The following SHANK2 variants were observed in gnomAD, a reference collection of about 807,000 sequenced individuals.
SHANK2 encodes the protein SH3 and multiple ankyrin repeat domains protein 2.
In SHANK2, 43 loss-of-function variants were observed where a neutral mutation model predicts 133.7. The ratio of observed to expected loss-of-function variants is 0.32; its 90% confidence interval spans 0.25 to 0.41. The LOEUF (loss-of-function observed/expected upper bound fraction) is 0.41. Ranked by LOEUF, SHANK2 falls within the 10% of genes least tolerant of loss-of-function variation. The probability of loss-of-function intolerance (pLI) is 1.00; values close to 1 mark genes in which losing one functional copy is unlikely to be tolerated. For missense variants in SHANK2, 1,994 were observed against 2,235.8 expected (o/e 0.89, Z 2.18); for synonymous variants, 1,017 against 952.8 (o/e 1.07, Z -1.24).
chr11:70,500,671 A>C lies in SHANK2; in HGVS notation c.2288-81T>G, dbSNP rs1037874359. 52 of 1,549,678 alleles carry C rather than the reference A, an allele frequency of 3.4e-5. No individual in the cohort carries two copies. The highest frequency in any genetic ancestry group is 4.3e-5 in the Non-Finnish European group (49 of 1,143,152). On this transcript the variant is annotated intron_variant, in intron 20 of 25. Transcript: ENST00000601538. The surrounding 1 kb of genome is among the most constrained non-coding windows in gnomAD (Gnocchi z 4.5). The stretch of plus-strand genomic sequence containing the variant: ...GCCTACACTCGGGCCTTGTCAGCTC[A>C]GGGCGCCTCAGGAGCAGGCTGGGCC...
rs564298746 is a variant in SHANK2 at position 70,899,619 on chromosome 11, A to G, written c.1108-3052T>C. ...GGTGCCGTCCTCCCAAAAGGGGGCC[A>G]TCTCTTCCTATAGCCCACCTCCAAC... On this transcript the variant is annotated intron_variant, in intron 10 of 25. Coordinates refer to ENST00000601538, the MANE Select transcript of SHANK2 (RefSeq NM_012309.5). Among the ~76,000 whole-genome samples the G allele has an allele frequency of 2.6e-5, 4 of 152,312 alleles. No homozygotes were observed. In the East Asian group the frequency reaches 5.8e-4, roughly 22 times the overall value.
At chr11:70,741,172 C>T (rs1946515548) in intron 14 of SHANK2, among the ~76,000 whole-genome samples, 1 of 133,088 alleles carries the variant, frequency 7.5e-6, no homozygotes, top group Non-Finnish European at 1.7e-5. Context: ...CCTACCCATC[C>T]ATCCATCCAT....
chr11:71,061,965 T>G (rs1950992258), intron 9 of SHANK2, among the ~76,000 whole-genome samples: 1 of 141,460 alleles, frequency 7.1e-6, no homozygotes, highest in African/African-American at 2.6e-5. Flanking sequence ...CAAAAAGTCT[T>G]TCTTTCTTTT....
intron 12 of SHANK2, among the ~76,000 whole-genome samples, chr11:70,820,041 G>T (rs1218493840): frequency 1.3e-5 from 2 of 152,128 alleles, no homozygotes; most frequent in Admixed American, 6.5e-5. Context: ...TTAGGACCAA[G>T]AAGTCAGTAC....
At chr11:70,598,219 G>C (rs564480013) in intron 17 of SHANK2, among the ~76,000 whole-genome samples, 13 of 152,222 alleles carry the variant, frequency 8.5e-5, no homozygotes, top group African/African-American at 3.1e-4. Flanking sequence ...GAGGTCATTT[G>C]TCGAATGACC....
chr11:71,242,719 G>C (rs912747288), intron 1 of SHANK2, among the ~76,000 whole-genome samples: 30 of 152,200 alleles, frequency 2.0e-4, no homozygotes, highest in African/African-American at 6.8e-4. Context: ...TTGTATCCCA[G>C]AGTCTAGAGC....
intron 17 of SHANK2, among the ~76,000 whole-genome samples, chr11:70,616,826 C>T (rs1212129687): frequency 6.6e-6 from 1 of 152,154 alleles, no homozygotes; most frequent in Non-Finnish European, 1.5e-5. Context: ...GCGAGGGGAG[C>T]CTGCGGGGCG....
rs1418153291 is a variant in SHANK2, at chr11:70,487,357, T to C, written c.2936A>G (p.Asn979Ser). The C allele has an allele frequency of 6.2e-7, 1 of 1,614,038 alleles. No homozygotes were observed. Among genetic ancestry groups the C allele is most frequent in the Non-Finnish European group, 8.5e-7 (1 of 1,180,036 alleles). Reference protein sequence around the residue: ...RNAGPQANFRNKRGQMPENPY... With the variant: ...RNAGPQANFRSKRGQMPENPY... ...GTTTTCTGGCATCTGGCCTCTCTTG[T>C]TGCGGAAGTTGGCTTGCGGGCCGGC... Residue 979 changes from asparagine (N) to serine (S), a missense_variant, in exon 25 of 26, where the codon AAC becomes AGC. This residue lies in a region of SHANK2 where 488 missense variants were observed against 642.6 expected (regional missense o/e 0.76). Coordinates refer to ENST00000601538, the MANE Select transcript of SHANK2 (RefSeq NM_012309.5). The surrounding 1 kb of genome is among the most constrained non-coding windows in gnomAD (Gnocchi z 5.8).
intron 17 of SHANK2, among the ~76,000 whole-genome samples, chr11:70,532,562 G>C (rs568170538): frequency 9.2e-5 from 14 of 151,966 alleles, no homozygotes; most frequent in Non-Finnish European, 1.8e-4. Context: ...AACCCAGAAA[G>C]AGGCCCAGAG....
At chr11:70,629,457 C>T (rs11604023) in intron 17 of SHANK2, among the ~76,000 whole-genome samples, 2,248 of 152,274 alleles carry the variant, frequency 0.015, 26 homozygotes, top group Middle Eastern at 0.024. Context: ...GTGGGACACA[C>T]GGACGTCCAG....
chr11:71,086,255 A>G lies in SHANK2; in HGVS notation c.912+6167T>C, dbSNP rs1951412104. 9.3e-5 allele frequency among the ~76,000 whole-genome samples: 5 copies of G among 53,898 alleles called. 1 individual carries two copies. Among genetic ancestry groups the G allele is most frequent in the Admixed American group, 3.5e-4 (1 of 2,844 alleles). The allele number at this position is 53,898 out of a possible 152,430, so 35.4% of individuals were successfully genotyped here. A position where few individuals can be genotyped will look rare whatever the true frequency, so the allele number is the denominator to read the frequency against. ...AATTATATAATATATTATGTTATAT[A>G]TGTTATATATTATATATGTTATATT... On this transcript the variant is annotated intron_variant, in intron 8 of 25. Coordinates refer to ENST00000601538, the MANE Select transcript of SHANK2 (RefSeq NM_012309.5).
chr11:70,564,189 G>A (rs1317344447), intron 17 of SHANK2, among the ~76,000 whole-genome samples: 1 of 151,904 alleles, frequency 6.6e-6, no homozygotes, highest in East Asian at 1.9e-4. Context: ...GCTTGGGTGT[G>A]TGAGTTCATT....
intron 10 of SHANK2, among the ~76,000 whole-genome samples, chr11:70,921,517 G>A (rs536195743): frequency 6.6e-6 from 1 of 152,344 alleles, no homozygotes; most frequent in East Asian, 1.9e-4. Flanking sequence ...AAATGAATGA[G>A]GCATTCGGCT....
intron 10 of SHANK2, among the ~76,000 whole-genome samples, chr11:70,901,521 T>C (rs931131498): frequency 6.6e-6 from 1 of 152,218 alleles, no homozygotes; most frequent in African/African-American, 2.4e-5. Flanking sequence ...AACTCTGCTC[T>C]CTACAGCTCG....
intron 17 of SHANK2, among the ~76,000 whole-genome samples, chr11:70,557,226 C>T (rs920108951): frequency 2.0e-5 from 3 of 152,168 alleles, no homozygotes; most frequent in Admixed American, 6.5e-5. Context: ...CTCCTAGATG[C>T]AGGCTGTGTC....
intron 12 of SHANK2, among the ~76,000 whole-genome samples, chr11:70,808,083 G>A (rs1555052413): frequency 6.6e-6 from 1 of 152,158 alleles, no homozygotes; most frequent in African/African-American, 2.4e-5. Flanking sequence ...GGAGATGGAT[G>A]GTGGTGATGG....
intron 14 of SHANK2, among the ~76,000 whole-genome samples, chr11:70,708,876 T>C (rs1591771276): frequency 6.6e-6 from 1 of 152,252 alleles, no homozygotes; most frequent in Admixed American, 6.5e-5. Flanking sequence ...GGCCTTCTGA[T>C]GTGTGGACCC....
intron 8 of SHANK2, among the ~76,000 whole-genome samples, chr11:71,085,625 AT>A (rs1590894156): frequency 0.047 from 3,482 of 74,820 alleles, 104 homozygotes; most frequent in East Asian, 0.12. Flanking sequence ...TATATTATAT[AT>A]TATAATATAT....
intron 8 of SHANK2, among the ~76,000 whole-genome samples, chr11:71,084,459 T>TACACCTGCAGC (rs1163482990): frequency 1.3e-5 from 2 of 152,090 alleles, no homozygotes; most frequent in African/African-American, 4.8e-5. Context: ...AACCCTGGAG[T>TACACCTGCAGC]ACACCTGCAG....
Sources: allele counts gnomAD v4.1 joint callset (sites outside exome capture counted in the v4.1 genomes callset), GRCh38; gene constraint gnomAD v4.1.1; regional missense constraint gnomAD v4.1.1; non-coding constraint Gnocchi (gnomAD v3.1); transcripts MANE v1.5; gene names NCBI Gene and HGNC (gene_info 2026-07-23, HGNC 2026-07-21).